ANKRD36: variants seen among roughly 807,000 people sequenced by gnomAD.
The protein encoded by ANKRD36 is ankyrin repeat domain-containing protein 36A.
A neutral mutation model predicts 278.1 loss-of-function variants in ANKRD36; 179 were observed. The ratio of observed to expected loss-of-function variants is 0.64; its 90% CI spans 0.57 to 0.73. The LOEUF (loss-of-function observed/expected upper bound fraction) is 0.73, where lower values mean the gene tolerates loss of function less well. Ranked by LOEUF, ANKRD36 falls within the 30% of genes least tolerant of loss-of-function variation. The pLI is 0.00. For missense variants in ANKRD36, 1,159 were observed against 1,956.7 expected (o/e 0.59, Z 7.69); for synonymous variants, 320 against 641.1 (o/e 0.50, Z 7.57).
intron 68 of ANKRD36, among the ~76,000 whole-genome samples, chr2:97,235,249 A>G (rs557243026): frequency 6.6e-6 from 1 of 151,688 alleles, no homozygotes; most frequent in Non-Finnish European, 1.5e-5. Flanking sequence ...AATTGTTCCA[A>G]CACCGCATGT....
At chr2:97,192,936 A>G in intron 37 of ANKRD36, 45 bp from the exon 38 acceptor site, 2 of 1,595,910 alleles carry the variant, frequency 1.3e-6, no homozygotes, top group Non-Finnish European at 1.7e-6. Context: ...ATGGTCTATG[A>G]AACATACTTT....
chr2:97,240,367 T>A (rs1180939690), intron 68 of ANKRD36, among the ~76,000 whole-genome samples: 5 of 151,734 alleles, frequency 3.3e-5, no homozygotes, highest in South Asian at 2.1e-4. Flanking sequence ...CTGTTGTTTT[T>A]TTTTATTTTA....
At chr2:97,227,787 C>G (rs1388478581) in intron 67 of ANKRD36, among the ~76,000 whole-genome samples, 1 of 152,042 alleles carries the variant, frequency 6.6e-6, no homozygotes, top group African/African-American at 2.4e-5. Flanking sequence ...ATAGATAGCT[C>G]TTATTATTTT....
At position 97,184,635 on chromosome 2, in the gene ANKRD36, T is replaced by A. The variant is rs542069866; in HGVS notation, c.1940-681T>A. 5.9e-5 allele frequency among the ~76,000 whole-genome samples: 9 copies of A among 151,816 alleles called. No homozygotes were observed. In the East Asian group the frequency reaches 7.8e-4, roughly 13 times the overall value. On this transcript the variant is annotated intron_variant, in intron 28 of 75. Coordinates refer to ENST00000420699, the MANE Select transcript of ANKRD36 (RefSeq NM_001354587.1). ...AATATGTGTAATTTATTGTACTTTT[T>A]GATGAGGTTTATATATTATACCTTC...
At position 97,209,926 on chromosome 2, in the gene ANKRD36, C is replaced by A. The variant is rs1184399227; in HGVS notation, c.3367+54C>A. On this transcript the variant is annotated intron_variant, in intron 56 of 75. Transcript: ENST00000420699. ...GTTCAGTCCAGATAGGTAAGAAATT[C>A]TCTTCCCTGAATAAATCAGCGGAGG... is the stretch of plus-strand genomic sequence containing the variant. The A allele has an allele frequency of 9.1e-6, 14 of 1,533,912 alleles. No homozygotes were observed. In the African/African-American group the frequency reaches 1.8e-4, roughly 20 times the overall value.
intron 40 of ANKRD36, among the ~76,000 whole-genome samples, chr2:97,195,174 G>C (rs1466079045): frequency 1.3e-5 from 2 of 151,992 alleles, no homozygotes; most frequent in Non-Finnish European, 1.5e-5. Context: ...AGGGGCTCTG[G>C]GGCCCAGCAT....
intron 62 of ANKRD36, chr2:97,216,826 C>T (rs530492794): frequency 3.8e-6 from 2 of 532,674 alleles, no homozygotes; most frequent in Non-Finnish European, 6.5e-6. Flanking sequence ...GATCAAGTAC[C>T]ACCTACTTTG....
chr2:97,200,835 A>C (rs1483082760), intron 46 of ANKRD36, among the ~76,000 whole-genome samples: 1 of 151,874 alleles, frequency 6.6e-6, no homozygotes, highest in Non-Finnish European at 1.5e-5. Flanking sequence ...TAAGGGTGTA[A>C]GGAGAAAGAG....
chr2:97,160,111 T>C (rs1195390908), intron 17 of ANKRD36, among the ~76,000 whole-genome samples: 1 of 152,254 alleles, frequency 6.6e-6, no homozygotes, highest in Non-Finnish European at 1.5e-5. Context: ...AGGAGGTTTC[T>C]AATTTATATT....
intron 52 of ANKRD36, 67 bp from the exon 53 acceptor site, chr2:97,207,744 G>C: frequency 6.5e-7 from 1 of 1,541,248 alleles, no homozygotes; most frequent in South Asian, 1.2e-5. Context: ...TGCTAACACT[G>C]TATGAATGTA....
intron 26 of ANKRD36, 128 bp from the exon 27 acceptor site, chr2:97,183,331 A>G: frequency 1.5e-5 from 19 of 1,232,334 alleles, no homozygotes; most frequent in Admixed American, 2.8e-5. Flanking sequence ...AAAGACACAA[A>G]CTGTAAAACA....
intron 22 of ANKRD36, among the ~76,000 whole-genome samples, chr2:97,169,869 T>C (rs1352226857): frequency 6.6e-6 from 1 of 152,204 alleles, no homozygotes; most frequent in Admixed American, 6.6e-5. Context: ...AAGTAATTTA[T>C]AGGTTCAATG....
At chr2:97,231,061 C>G (rs2071825320) in intron 67 of ANKRD36, among the ~76,000 whole-genome samples, 1 of 152,114 alleles carries the variant, frequency 6.6e-6, no homozygotes, top group Non-Finnish European at 1.5e-5. Flanking sequence ...CTGGGGGTGC[C>G]TCCCAGTTAG....
intron 6 of ANKRD36, among the ~76,000 whole-genome samples, chr2:97,138,203 C>T (rs2042015078): frequency 6.6e-6 from 1 of 152,088 alleles, no homozygotes; most frequent in South Asian, 2.1e-4. Context: ...AACAAATTGT[C>T]TCAGCCCCAA....
At position 97,113,619 on chromosome 2, in the gene ANKRD36, G is replaced by C; in HGVS notation, c.-121G>C. On this transcript the variant is annotated 5_prime_UTR_variant, in exon 1 of 76. Coordinates refer to ENST00000420699, the MANE Select transcript of ANKRD36 (RefSeq NM_001354587.1). ...GCGTTTCTGCTGAGAGGCGGGAGGCGCTGAGAGTCTGTGCGGAGGTCCGTG... is the reference window on the plus strand; with the variant it reads ...GCGTTTCTGCTGAGAGGCGGGAGGCCCTGAGAGTCTGTGCGGAGGTCCGTG... 2 of 1,288,934 alleles carry C rather than the reference G, an allele frequency of 1.6e-6. No homozygotes were observed. Among genetic ancestry groups the C allele is most frequent in the South Asian group, 2.7e-5 (2 of 74,824 alleles). The allele number at this position is 1,288,934 out of a possible 1,614,324, so 79.8% of individuals were successfully genotyped here.
chr2:97,156,906 C>T (rs889377565), intron 15 of ANKRD36, among the ~76,000 whole-genome samples: 2 of 151,796 alleles, frequency 1.3e-5, no homozygotes, highest in African/African-American at 4.8e-5. Flanking sequence ...TTTTAATGAT[C>T]ACCATTCTAA....
chr2:97,179,590 C>G, intron 22 of ANKRD36, 148 bp from the exon 23 acceptor site: 1 of 815,172 alleles, frequency 1.2e-6, no homozygotes, highest in Non-Finnish European at 1.9e-6. Context: ...CATGTTTAGT[C>G]CCAAGAAACA....
intron 10 of ANKRD36, among the ~76,000 whole-genome samples, chr2:97,146,142 T>C (rs1190517228): frequency 1.3e-5 from 2 of 152,014 alleles, no homozygotes; most frequent in African/African-American, 2.4e-5. Flanking sequence ...AATTTTTGTG[T>C]TTTTACTAGA....
At chr2:97,221,798 C>G (rs2067787395) in intron 66 of ANKRD36, among the ~76,000 whole-genome samples, 1 of 147,294 alleles carries the variant, frequency 6.8e-6, no homozygotes, top group Non-Finnish European at 1.5e-5. Flanking sequence ...TCCCATTTGT[C>G]AATTTTGGCT....
Sources: allele counts gnomAD v4.1 joint callset (sites outside exome capture counted in the v4.1 genomes callset), GRCh38; gene constraint gnomAD v4.1.1; transcripts MANE v1.5; gene names NCBI Gene and HGNC (gene_info 2026-07-23, HGNC 2026-07-21).